Variants in METTL16 observed in about 807,000 individuals in gnomAD.
The protein encoded by METTL16 is RNA N(6)-adenosine-methyltransferase METTL16.
A neutral mutation model predicts 57.9 loss-of-function variants in METTL16; 19 were observed. The observed-to-expected ratio is 0.33, with a 90% CI of 0.23 to 0.48. METTL16 has a LOEUF of 0.48. METTL16 is among the 20% of genes least tolerant of loss of function. The pLI, the probability that METTL16 is intolerant of heterozygous loss-of-function variation, is 0.99. For missense variants in METTL16, 434 were observed against 691.5 expected, an observed-to-expected ratio of 0.63 and a Z score of 4.18; for synonymous variants, 246 against 255.6, an observed-to-expected ratio of 0.96 and a Z score of 0.36.
intron 8 of METTL16, among the ~76,000 whole-genome samples, chr17:2,423,166 A>G (rs999744296): frequency 1.3e-5 from 2 of 152,108 alleles, no homozygotes; most frequent in Non-Finnish European, 2.9e-5. Flanking sequence ...TCTTCTAATA[A>G]GAACTAACCA....
chr17:2,430,430 T>G (rs2066864310), intron 8 of METTL16, among the ~76,000 whole-genome samples: 1 of 139,568 alleles, frequency 7.2e-6, no homozygotes, highest in African/African-American at 2.6e-5. Flanking sequence ...TTTTTTTTTT[T>G]TTTGAGACGG....
At chr17:2,428,602 T>TATATAA (rs376112549) in intron 8 of METTL16, among the ~76,000 whole-genome samples, 21 of 94,962 alleles carry the variant, frequency 2.2e-4, no homozygotes, top group African/African-American at 8.9e-4. Flanking sequence ...TATATATATA[T>TATATAA]AAATTGTAAT....
intron 1 of METTL16, among the ~76,000 whole-genome samples, chr17:2,509,828 A>C (rs1441629709): frequency 6.6e-6 from 1 of 151,814 alleles, no homozygotes; most frequent in Non-Finnish European, 1.5e-5. Context: ...CAGGAGAATC[A>C]CTTGAATTCA....
At chr17:2,446,654 T>C (rs1490271000) in intron 6 of METTL16, among the ~76,000 whole-genome samples, 1 of 151,322 alleles carries the variant, frequency 6.6e-6, no homozygotes, top group Non-Finnish European at 1.5e-5. Context: ...CTCCCTCTGA[T>C]GCCGAGCCAA....
At chr17:2,491,700 C>A (rs1329074152) in intron 2 of METTL16, among the ~76,000 whole-genome samples, 2 of 150,434 alleles carry the variant, frequency 1.3e-5, no homozygotes, top group South Asian at 2.1e-4. Flanking sequence ...ACGGTGAAAC[C>A]CCGTCTCTAT....
chr17:2,464,473 T>C (rs1487611070), intron 5 of METTL16, 123 bp from the exon 6 acceptor site: 13 of 870,872 alleles, frequency 1.5e-5, no homozygotes, highest in Non-Finnish European at 2.1e-5. Context: ...GTATGCTAGA[T>C]TTAGGATTTT....
intron 2 of METTL16, among the ~76,000 whole-genome samples, chr17:2,498,148 C>T (rs1352144785): frequency 3.0e-5 from 4 of 133,980 alleles, no homozygotes; most frequent in African/African-American, 5.8e-5. Flanking sequence ...GAGCCGAGAT[C>T]GCGCCACTGC....
chr17:2,489,969 T>C (rs897912196), intron 2 of METTL16, among the ~76,000 whole-genome samples: 17 of 152,238 alleles, frequency 1.1e-4, no homozygotes, highest in Non-Finnish European at 2.1e-4. Context: ...TTACAAAGAA[T>C]AAGATTAGGC....
chr17:2,443,648 G>C (rs925619721), intron 6 of METTL16, among the ~76,000 whole-genome samples: 2 of 151,620 alleles, frequency 1.3e-5, no homozygotes, highest in Non-Finnish European at 1.5e-5. Flanking sequence ...CACGACGCCC[G>C]GCTATTTTTT....
chr17:2,501,054 T>G (rs1350035487), intron 2 of METTL16, among the ~76,000 whole-genome samples: 1 of 151,902 alleles, frequency 6.6e-6, no homozygotes, highest in African/African-American at 2.4e-5. Context: ...GAGGCAGAGG[T>G]TGCAGTGAGG....
At chr17:2,502,354 G>A (rs781306416) in intron 1 of METTL16, 23 bp from the exon 2 acceptor site, 1 of 1,607,686 alleles carries the variant, frequency 6.2e-7, no homozygotes, top group Non-Finnish European at 8.5e-7. Flanking sequence ...AAGAGAGAAA[G>A]AAAATCAGCA....
At chr17:2,507,378 G>T (rs2067550902) in intron 1 of METTL16, among the ~76,000 whole-genome samples, 1 of 147,800 alleles carries the variant, frequency 6.8e-6, no homozygotes, top group African/African-American at 2.5e-5. Flanking sequence ...AGGGAGGTGG[G>T]GGGGTCAGCC....
In METTL16 at chr17:2,417,087, A is replaced by ATTTTTTTTTTTTTT. The variant is rs1567876454; in HGVS notation, c.*2882_*2883insAAAAAAAAAAAAAA. The ATTTTTTTTTTTTTT allele has an allele frequency of 2.6e-4, 3 of 11,366 alleles. No homozygotes were observed. Among genetic ancestry groups the ATTTTTTTTTTTTTT allele is most frequent in the African/African-American group, 5.9e-4 (2 of 3,386 alleles). The allele number at this position is 11,366 out of a possible 1,614,324, so 0.7% of individuals were successfully genotyped here. Reference sequence around the variant, plus strand: ...TTTTTTTTTTTTTTTTTTTTTTTTGAGACAGTCCCACTTTGTCGCCCAGGC... The same window carrying ATTTTTTTTTTTTTT: ...TTTTTTTTTTTTTTTTTTTTTTTTGATTTTTTTTTTTTTTGACAGTCCCACTTTGTCGCCCAGGC... On this transcript the variant is annotated 3_prime_UTR_variant, in exon 10 of 10. Transcript: ENST00000263092.
At chr17:2,480,657 G>A (rs1292045530) in intron 2 of METTL16, among the ~76,000 whole-genome samples, 1 of 152,210 alleles carries the variant, frequency 6.6e-6, no homozygotes, top group Non-Finnish European at 1.5e-5. Context: ...CATGCTGAAA[G>A]GAAGATAGAA....
At chr17:2,473,797 G>A in intron 3 of METTL16, 133 bp from the exon 4 acceptor site, 1 of 910,722 alleles carries the variant, frequency 1.1e-6, no homozygotes, top group Non-Finnish European at 1.6e-6. Context: ...ACAGTGCAGT[G>A]GTGTGATCAC....
At chr17:2,465,010 T>C (rs1441979209) in intron 5 of METTL16, among the ~76,000 whole-genome samples, 1 of 152,192 alleles carries the variant, frequency 6.6e-6, no homozygotes, top group African/African-American at 2.4e-5. Flanking sequence ...AAGGGAATGT[T>C]TGCAAATCAC....
At chr17:2,479,252 A>G (rs922997498) in intron 2 of METTL16, among the ~76,000 whole-genome samples, 3 of 138,458 alleles carry the variant, frequency 2.2e-5, no homozygotes, top group Admixed American at 7.6e-5. Context: ...CTGCAGCCTC[A>G]CCCTCCCAGG....
intron 2 of METTL16, among the ~76,000 whole-genome samples, chr17:2,485,194 G>A (rs893245513): frequency 3.3e-5 from 5 of 152,278 alleles, no homozygotes; most frequent in Non-Finnish European, 4.4e-5. Flanking sequence ...TGGGAACGCC[G>A]CATGCGAGGG....
At chr17:2,506,307 C>T (rs909675141) in intron 1 of METTL16, among the ~76,000 whole-genome samples, 7 of 148,448 alleles carry the variant, frequency 4.7e-5, no homozygotes, top group Middle Eastern at 3.2e-3. Flanking sequence ...CCCTCTCCCC[C>T]TCTTGCCACG....
Sources: allele counts gnomAD v4.1 joint callset (sites outside exome capture counted in the v4.1 genomes callset), GRCh38; gene constraint gnomAD v4.1.1; transcripts MANE v1.5; gene names NCBI Gene and HGNC (gene_info 2026-07-23, HGNC 2026-07-21).